ELF1: variants seen among roughly 807,000 people sequenced by gnomAD.
ELF1 encodes E74 like ETS transcription factor 1.
A neutral mutation model predicts 59.9 loss-of-function variants in ELF1; 24 were observed. That is an observed-to-expected ratio of 0.40 (90% CI 0.29 to 0.56). The LOEUF (loss-of-function observed/expected upper bound fraction) is 0.56. Ranked by LOEUF, ELF1 falls within the 20% of genes least tolerant of loss-of-function variation. ELF1 has a pLI of 0.44. For synonymous variants in ELF1, 248 were observed against 266.2 expected (o/e 0.93, Z 0.67); for missense variants, 627 against 742.2 (o/e 0.84, Z 1.80).
Position 40,982,402 on chromosome 13 carries a change from T to C in ELF1, c.-228-120A>G, listed in dbSNP as rs772193886. 5.7e-5 allele frequency: 32 copies of C among 565,412 alleles called. 1 individual carries two copies. Among genetic ancestry groups the C allele is most frequent in the Admixed American group, 1.2e-4 (2 of 16,808 alleles). 35.0% of individuals were successfully genotyped at this position (565,412 alleles called of 1,614,324 possible). A position where few individuals can be genotyped will look rare whatever the true frequency, so the allele number is the denominator to read the frequency against. Reference sequence around the variant, plus strand: ...TTATTATTAACGTTTTTAAATAAAATCGACACGACTAATGCACATACGCTC... The same window carrying C: ...TTATTATTAACGTTTTTAAATAAAACCGACACGACTAATGCACATACGCTC... On this transcript the variant is annotated intron_variant, in intron 1 of 8. Coordinates refer to ENST00000239882, the MANE Select transcript of ELF1 (RefSeq NM_172373.4).
intron 1 of ELF1, among the ~76,000 whole-genome samples, chr13:40,986,503 C>T (rs1873554543): frequency 6.6e-6 from 1 of 152,186 alleles, no homozygotes; most frequent in African/African-American, 2.4e-5. Flanking sequence ...CATTTCTGTA[C>T]TCCCTGGAAG....
chr13:40,951,937 T>A (rs139939758), intron 3 of ELF1, among the ~76,000 whole-genome samples: 29 of 152,220 alleles, frequency 1.9e-4, no homozygotes, highest in African/African-American at 7.0e-4. Context: ...CAACCAGCAT[T>A]CAAATGTTCA....
chr13:40,941,347 A>G lies in ELF1; in HGVS notation c.830T>C (p.Leu277Pro). 1 of 1,605,066 alleles carries G rather than the reference A, an allele frequency of 6.2e-7. No homozygotes were observed. The highest frequency in any genetic ancestry group is 1.1e-5 in the South Asian group (1 of 88,956). Residue 277 changes from leucine to proline, a missense_variant, in exon 8 of 9, where the codon CTG becomes CCG. This residue lies in a region of ELF1 where 34 missense variants were observed against 76.8 expected (regional missense o/e 0.44). Transcript: ENST00000239882. ...CAAGCGCTGACCTTCCACTTTTGCC[A>G]GAATACCCCTTTGGTAATAGTACCT... ...ALRYYYQRGI[L>P]AKVEGQRLVY...
Position 40,942,940 on chromosome 13 carries a change from A to G in ELF1, c.806+12T>C. ...TATTCTTAACACAATAAAATACCAA[A>G]ACTTCGCATACCTGAGTGCTCTTCC... On this transcript the variant is annotated intron_variant, in intron 7 of 8. Transcript: ENST00000239882. 1 of 1,538,360 alleles carries G rather than the reference A, an allele frequency of 6.5e-7. No homozygotes were observed. Among genetic ancestry groups the G allele is most frequent in the South Asian group, 1.3e-5 (1 of 79,278 alleles).
chr13:40,978,602 G>A (rs9532692), intron 2 of ELF1, among the ~76,000 whole-genome samples: 140,973 of 151,972 alleles, frequency 0.93, 65,789 homozygotes, highest in Non-Finnish European at 0.99. Context: ...GGGAGAAAAT[G>A]TCAATGATTC....
exon 1 of ELF1, chr13:41,060,914 TGCCGCC>T (rs60249003): frequency 0.65 from 221,758 of 343,264 alleles, 78,731 homozygotes; most frequent in Admixed American, 0.76. Context: ...AAGCTGCTGC[TGCCGCC>T]GCCGCCGCCG....
At chr13:41,014,369 A>C (rs1875239912) in intron 1 of ELF1, among the ~76,000 whole-genome samples, 1 of 152,176 alleles carries the variant, frequency 6.6e-6, no homozygotes. Context: ...AAGGAATCAA[A>C]ACATTTCTGC....
chr13:40,966,578 C>T (rs1215185078), intron 2 of ELF1, among the ~76,000 whole-genome samples: 2 of 152,218 alleles, frequency 1.3e-5, no homozygotes, highest in African/African-American at 4.8e-5. Context: ...ACTAGGCTTG[C>T]TTGTTCCACA....
chr13:40,943,825 G>A lies in ELF1; in HGVS notation c.613+17C>T. 6.2e-7 allele frequency: 1 copy of A among 1,605,356 alleles called. No individual in the cohort carries two copies. The highest frequency in any genetic ancestry group is 8.5e-7 in the Non-Finnish European group (1 of 1,173,666). ...AATCTGAGTGTTATTTGACCTATAA[G>A]TATTACACAGTAGTACCCTTTCCAT... On this transcript the variant is annotated intron_variant, in intron 6 of 8. Coordinates refer to ENST00000239882, the MANE Select transcript of ELF1 (RefSeq NM_172373.4).
chr13:41,061,199 C>T (rs1204403705), exon 1 of ELF1: 3 of 209,730 alleles, frequency 1.4e-5, no homozygotes, highest in Non-Finnish European at 3.0e-5. Context: ...AGAGCGGAGA[C>T]GTCTCTGGGA....
intron 3 of ELF1, 141 bp from the exon 4 acceptor site, chr13:40,951,577 A>C: frequency 1.2e-5 from 6 of 515,270 alleles, no homozygotes; most frequent in Non-Finnish European, 1.9e-5. Context: ...AACACACAAA[A>C]TCATACCAAA....
At chr13:41,051,932 CTCT>C (rs1458388953) in intron 1 of ELF1, among the ~76,000 whole-genome samples, 15 of 143,386 alleles carry the variant, frequency 1.0e-4, no homozygotes, top group Admixed American at 2.8e-4. Flanking sequence ...CTTTCTTTTT[CTCT>C]TTTTTTTTTT....
chr13:41,052,313 T>C (rs2138435733), intron 1 of ELF1, among the ~76,000 whole-genome samples: 1 of 152,278 alleles, frequency 6.6e-6, no homozygotes, highest in East Asian at 1.9e-4. Flanking sequence ...AACACTTCCA[T>C]TAATCCTGAA....
At chr13:40,944,287 C>T (rs758566523) in intron 5 of ELF1, among the ~76,000 whole-genome samples, 4 of 152,110 alleles carry the variant, frequency 2.6e-5, no homozygotes, top group Non-Finnish European at 4.4e-5. Flanking sequence ...ACGTGGGCTC[C>T]AAAAATAAGC....
At chr13:40,943,969 G>A in intron 5 of ELF1, 44 bp from the exon 6 acceptor site, 1 of 1,570,892 alleles carries the variant, frequency 6.4e-7, no homozygotes, top group Non-Finnish European at 8.7e-7. Flanking sequence ...CTTCAAAAGT[G>A]AGAGAAAATG....
chr13:40,971,408 C>A (rs1872542275), intron 2 of ELF1, among the ~76,000 whole-genome samples: 1 of 152,092 alleles, frequency 6.6e-6, no homozygotes, highest in African/African-American at 2.4e-5. Context: ...CAGGCAGGCA[C>A]CACAACACCC....
intron 7 of ELF1, among the ~76,000 whole-genome samples, chr13:40,942,219 T>C (rs997439969): frequency 6.6e-6 from 1 of 152,138 alleles, no homozygotes; most frequent in African/African-American, 2.4e-5. Context: ...ACTTAAAAAG[T>C]GTATGTTAAA....
intron 1 of ELF1, among the ~76,000 whole-genome samples, chr13:41,049,528 T>C (rs1876996290): frequency 6.6e-6 from 1 of 152,236 alleles, no homozygotes; most frequent in South Asian, 2.1e-4. Context: ...CTTATATGAT[T>C]TGATACCTTG....
At chr13:40,937,841 G>A (rs1039589267) in intron 8 of ELF1, among the ~76,000 whole-genome samples, 1 of 151,940 alleles carries the variant, frequency 6.6e-6, no homozygotes, top group Non-Finnish European at 1.5e-5. Context: ...TTGAGACGGG[G>A]TCTCACTCTG....
Sources: gnomAD v4.1 joint callset for allele counts (sites outside exome capture counted in the v4.1 genomes callset) on GRCh38, gnomAD v4.1.1 for gene constraint, gnomAD v4.1.1 regional missense constraint, MANE v1.5 for transcripts, NCBI Gene and HGNC (gene_info 2026-07-23, HGNC 2026-07-21) for gene names.